Variants in ITPR2 observed in about 807,000 individuals in gnomAD.
The protein encoded by ITPR2 is inositol 1,4,5-trisphosphate-gated calcium channel ITPR2.
Under a neutral mutation model 317.1 loss-of-function variants are expected in ITPR2, and 207 were observed. That is an observed-to-expected ratio of 0.65 (90% CI 0.58 to 0.73). The LOEUF is 0.73. Among genes scored for constraint, ITPR2 ranks in the 30% least tolerant of loss-of-function variants. The pLI, the probability that ITPR2 is intolerant of heterozygous loss-of-function variation, is 0.00. For missense variants in ITPR2, 2,613 were observed against 3,284.0 expected (o/e 0.80, Z 4.99); for synonymous variants, 1,156 against 1,149.1 (o/e 1.01, Z -0.12).
intron 55 of ITPR2, among the ~76,000 whole-genome samples, chr12:26,368,075 T>C (rs964076342): frequency 4.6e-5 from 7 of 152,238 alleles, no homozygotes; most frequent in Admixed American, 2.0e-4. Flanking sequence ...TTGGGGACTA[T>C]TTAAATGAGC....
chr12:26,551,100 C>T lies in ITPR2; in HGVS notation c.4965-745G>A, dbSNP rs553158573. ...ATTTAGCTTATATAGCTATATATAT[C>T]GCCTATATAGCTCATGTTGTTAAAA... On this transcript the variant is annotated intron_variant, in intron 36 of 56. Transcript: ENST00000381340. Among the ~76,000 whole-genome samples the T allele has an allele frequency of 1.1e-4, 16 of 152,226 alleles. 1 individual carries two copies. In the South Asian group the frequency reaches 3.1e-3, roughly 30 times the overall value.
At chr12:26,664,340 T>TG (rs36000828) in intron 14 of ITPR2, among the ~76,000 whole-genome samples, 128,314 of 152,180 alleles carry the variant, frequency 0.84, 54,148 homozygotes, top group Admixed American at 0.89. Flanking sequence ...AATTTACTGT[T>TG]TTTGTATACA....
chr12:26,716,068 G>T, intron 6 of ITPR2, 76 bp downstream of exon 6: 1 of 958,292 alleles, frequency 1.0e-6, no homozygotes, highest in Non-Finnish European at 1.6e-6. Flanking sequence ...AACAATGAAA[G>T]AAACTATATT....
intron 37 of ITPR2, among the ~76,000 whole-genome samples, chr12:26,520,337 G>A (rs1457140590): frequency 6.6e-6 from 1 of 152,108 alleles, no homozygotes; most frequent in East Asian, 1.9e-4. Flanking sequence ...ACTCCAGGAA[G>A]GAAGAAGAGA....
At chr12:26,586,546 A>G (rs1302638886) in intron 32 of ITPR2, among the ~76,000 whole-genome samples, 1 of 152,220 alleles carries the variant, frequency 6.6e-6, no homozygotes, top group African/African-American at 2.4e-5. Flanking sequence ...ACAGATAAAT[A>G]TTATCTACAT....
chr12:26,547,723 T>TA (rs1944424129), intron 37 of ITPR2, among the ~76,000 whole-genome samples: 1 of 152,164 alleles, frequency 6.6e-6, no homozygotes, highest in Non-Finnish European at 1.5e-5. Context: ...TATTCAGCCA[T>TA]AAAAAAATGA....
chr12:26,793,671 G>A (rs1044989719), intron 1 of ITPR2, among the ~76,000 whole-genome samples: 3 of 152,098 alleles, frequency 2.0e-5, no homozygotes, highest in African/African-American at 4.8e-5. Context: ...AATATAGATG[G>A]TGCTAAATAA....
intron 49 of ITPR2, chr12:26,419,463 T>A: frequency 3.0e-6 from 1 of 334,646 alleles, no homozygotes; most frequent in Non-Finnish European, 5.5e-6. Context: ...AAAACTTGCA[T>A]CCTTTGCAGT....
At chr12:26,655,474 C>T (rs575048763) in intron 20 of ITPR2, among the ~76,000 whole-genome samples, 16 of 151,714 alleles carry the variant, frequency 1.1e-4, no homozygotes, top group Non-Finnish European at 2.2e-4. Flanking sequence ...ATTAGCCGGG[C>T]GTGGTGGCAG....
chr12:26,484,013 A>G, intron 41 of ITPR2, 115 bp from the exon 42 acceptor site: 1 of 888,750 alleles, frequency 1.1e-6, no homozygotes, highest in Non-Finnish European at 1.7e-6. Context: ...AAGTATTCGC[A>G]TTTATTAAAA....
At chr12:26,387,626 T>C (rs1939703511) in intron 54 of ITPR2, 32 bp from the exon 55 acceptor site, 1 of 1,599,380 alleles carries the variant, frequency 6.3e-7, no homozygotes, top group Non-Finnish European at 8.5e-7. Context: ...ATATATGTAA[T>C]TCGTCATTTA....
rs554677437 is a variant in ITPR2, at chr12:26,461,586, A to C, written c.6342+13710T>G. On this transcript the variant is annotated intron_variant, in intron 45 of 56. Coordinates refer to ENST00000381340, the MANE Select transcript of ITPR2 (RefSeq NM_002223.4). ...TAACAGAAACCTGCAAATCATTTTCAGGTCTCACAAAGCTGACAATAAGAA... is the reference window on the plus strand; with the variant it reads ...TAACAGAAACCTGCAAATCATTTTCCGGTCTCACAAAGCTGACAATAAGAA... Among the ~76,000 whole-genome samples the C allele has an allele frequency of 2.7e-3, 395 of 147,754 alleles. 3 individuals are homozygous for C. The highest frequency in any genetic ancestry group is 9.6e-3 in the African/African-American group (382 of 39,590).
intron 48 of ITPR2, among the ~76,000 whole-genome samples, chr12:26,434,250 T>A (rs1413330346): frequency 1.3e-5 from 2 of 152,130 alleles, no homozygotes; most frequent in African/African-American, 2.4e-5. Context: ...TCTTCATCCA[T>A]AAGGATATTC....
chr12:26,757,772 C>T (rs957540), intron 2 of ITPR2, among the ~76,000 whole-genome samples: 72,553 of 152,002 alleles, frequency 0.48, 18,105 homozygotes, highest in Non-Finnish European at 0.55. Flanking sequence ...TTAATTCAAC[C>T]GTTATTCTTT....
At chr12:26,704,162 G>A (rs1232788170) in intron 9 of ITPR2, among the ~76,000 whole-genome samples, 3 of 151,840 alleles carry the variant, frequency 2.0e-5, no homozygotes, top group African/African-American at 7.3e-5. Context: ...AAACTCAAAT[G>A]TATAGACCAT....
chr12:26,540,920 T>G (rs1944240585), intron 37 of ITPR2, among the ~76,000 whole-genome samples: 1 of 152,084 alleles, frequency 6.6e-6, no homozygotes, highest in African/African-American at 2.4e-5. Context: ...TGGAAGAGCA[T>G]GCTAATAATG....
At chr12:26,715,207 T>C in intron 8 of ITPR2, 92 bp downstream of exon 8, 6 of 1,138,602 alleles carry the variant, frequency 5.3e-6, no homozygotes, top group African/African-American at 1.6e-5. Context: ...GATTCTATCA[T>C]AAATGATGCC....
At position 26,766,529 on chromosome 12, in the gene ITPR2, GA is replaced by G. The variant is rs1390308103; in HGVS notation, c.163+23627del. Among the ~76,000 whole-genome samples, 5 of 152,180 alleles carry G rather than the reference GA, an allele frequency of 3.3e-5. No homozygotes were observed. In the East Asian group the frequency reaches 9.6e-4, roughly 29 times the overall value. On this transcript the variant is annotated intron_variant, in intron 2 of 56. Transcript: ENST00000381340. ...TATTCTAGATTCAAGTCCCTTACCA[GA>G]TAAATTATTTGGAAATATCTTCTCC...
intron 25 of ITPR2, 140 bp from the exon 26 acceptor site, chr12:26,621,436 T>C (rs1946492102): frequency 2.1e-5 from 10 of 473,386 alleles, no homozygotes; most frequent in Middle Eastern, 1.1e-3. Flanking sequence ...CATTATAATT[T>C]TTTTAAGTGA....
Sources: allele counts gnomAD v4.1 joint callset (sites outside exome capture counted in the v4.1 genomes callset), GRCh38; gene constraint gnomAD v4.1.1; transcripts MANE v1.5; gene names NCBI Gene and HGNC (gene_info 2026-07-23, HGNC 2026-07-21).